Variants in ROBO2 observed in about 807,000 individuals in gnomAD.
The protein encoded by ROBO2 is roundabout homolog 2.
ROBO2 carries 53 observed loss-of-function variants against 160.8 expected under a neutral mutation model. The observed-to-expected ratio is 0.33, with a 90% CI of 0.26 to 0.41. ROBO2 has a LOEUF of 0.41. Ranked by LOEUF, ROBO2 falls within the 10% of genes least tolerant of loss-of-function variation. The pLI, the probability that ROBO2 is intolerant of heterozygous loss-of-function variation, is 1.00. For synonymous variants in ROBO2, 664 were observed against 611.7 expected, an observed-to-expected ratio of 1.09 and a Z score of -1.26; for missense variants, 1,577 against 1,722.4, an observed-to-expected ratio of 0.92 and a Z score of 1.49.
chr3:76,753,609 G>A (rs1363596052), intron 2 of ROBO2, among the ~76,000 whole-genome samples: 1 of 151,856 alleles, frequency 6.6e-6, no homozygotes, highest in African/African-American at 2.4e-5. Context: ...TGAGATTTAA[G>A]TATTTGATAC....
At chr3:76,957,729 G>A (rs1216957031) in intron 2 of ROBO2, among the ~76,000 whole-genome samples, 4 of 151,846 alleles carry the variant, frequency 2.6e-5, no homozygotes, top group Non-Finnish European at 1.5e-5. Flanking sequence ...TACTCAGGAG[G>A]CTGAGGCAGG....
chr3:76,312,447 A>C (rs945328941), intron 2 of ROBO2, among the ~76,000 whole-genome samples: 15 of 152,198 alleles, frequency 9.9e-5, no homozygotes, highest in African/African-American at 3.6e-4. Context: ...CTTTTGTTGC[A>C]TTAAATATAT....
intron 2 of ROBO2, among the ~76,000 whole-genome samples, chr3:76,361,148 A>G (rs191705729): frequency 3.7e-4 from 57 of 152,188 alleles, no homozygotes; most frequent in African/African-American, 1.3e-3. Flanking sequence ...AAGGAAACTC[A>G]AAGTAAAAAT....
chr3:75,950,946 C>G (rs1576273838), intron 2 of ROBO2, among the ~76,000 whole-genome samples: 1 of 152,178 alleles, frequency 6.6e-6, no homozygotes, highest in African/African-American at 2.4e-5. Flanking sequence ...AATGATTTTA[C>G]TAGTTTTTAT....
chr3:77,009,803 G>T (rs1035628583), intron 2 of ROBO2, among the ~76,000 whole-genome samples: 26 of 151,824 alleles, frequency 1.7e-4, no homozygotes, highest in Admixed American at 1.3e-4. Context: ...AAAATTAGCT[G>T]GGTGTGGTGG....
chr3:76,554,196 G>A (rs890860822), intron 2 of ROBO2, among the ~76,000 whole-genome samples: 4 of 152,164 alleles, frequency 2.6e-5, no homozygotes, highest in Admixed American at 6.5e-5. Context: ...TGGACATAAT[G>A]TGGAGAGATA....
At chr3:77,291,572 A>T (rs1317509770) in intron 2 of ROBO2, among the ~76,000 whole-genome samples, 4 of 151,694 alleles carry the variant, frequency 2.6e-5, no homozygotes, top group Non-Finnish European at 4.4e-5. Context: ...ATTGATGGTT[A>T]AACGGGAAGG....
At chr3:76,224,598 TA>T (rs1337905295) in intron 2 of ROBO2, among the ~76,000 whole-genome samples, 3 of 152,182 alleles carry the variant, frequency 2.0e-5, no homozygotes, top group African/African-American at 7.2e-5. Context: ...CATGCAGATA[TA>T]ATGTTTTACC....
chr3:76,508,114 C>A (rs1011381251), intron 2 of ROBO2, among the ~76,000 whole-genome samples: 3 of 152,086 alleles, frequency 2.0e-5, no homozygotes, highest in Admixed American at 6.6e-5. Flanking sequence ...GTGTGACTTT[C>A]CATTCATCAA....
chr3:76,252,988 C>T (rs1242793929), intron 2 of ROBO2, among the ~76,000 whole-genome samples: 1 of 151,934 alleles, frequency 6.6e-6, no homozygotes, highest in Admixed American at 6.6e-5. Context: ...ACTGATTTGA[C>T]AAGGCCCCCC....
intron 2 of ROBO2, among the ~76,000 whole-genome samples, chr3:76,834,446 C>G (rs962559001): frequency 6.6e-6 from 1 of 151,976 alleles, no homozygotes; most frequent in Non-Finnish European, 1.5e-5. Context: ...ATCACTGGCT[C>G]ACTGCAACCT....
At chr3:77,382,539 A>G (rs903409486) in intron 2 of ROBO2, among the ~76,000 whole-genome samples, 7 of 151,994 alleles carry the variant, frequency 4.6e-5, no homozygotes, top group African/African-American at 1.7e-4. Context: ...TGAACCCAGT[A>G]TGTAGTTTTT....
chr3:76,425,744 C>T (rs1017502053), intron 2 of ROBO2, among the ~76,000 whole-genome samples: 7 of 151,878 alleles, frequency 4.6e-5, no homozygotes, highest in Admixed American at 1.3e-4. Context: ...AGCTCGGTGC[C>T]TATAACCCCC....
intron 2 of ROBO2, among the ~76,000 whole-genome samples, chr3:75,971,684 T>G (rs1340310531): frequency 6.6e-6 from 1 of 151,538 alleles, no homozygotes; most frequent in African/African-American, 2.4e-5. Context: ...TTGAAAAAAT[T>G]TTTCAAGTTT....
intron 5 of ROBO2, among the ~76,000 whole-genome samples, chr3:77,513,160 T>C (rs2089611863): frequency 6.6e-6 from 1 of 151,830 alleles, no homozygotes; most frequent in Admixed American, 6.6e-5. Context: ...AAAATTCCAG[T>C]TGGTAATAAA....
chr3:76,433,811 G>A (rs182230206), intron 2 of ROBO2, among the ~76,000 whole-genome samples: 2 of 152,218 alleles, frequency 1.3e-5, no homozygotes, highest in East Asian at 3.9e-4. Context: ...ACCATTTTAA[G>A]GTTTTAGAAA....
intron 2 of ROBO2, among the ~76,000 whole-genome samples, chr3:76,932,852 C>T (rs879660687): frequency 5.3e-5 from 8 of 152,090 alleles, no homozygotes; most frequent in Non-Finnish European, 7.3e-5. Context: ...TATCTACTCT[C>T]AGGTGTTCAT....
At chr3:77,421,564 A>C (rs2077715918) in intron 2 of ROBO2, among the ~76,000 whole-genome samples, 2 of 152,166 alleles carry the variant, frequency 1.3e-5, no homozygotes, top group Non-Finnish European at 2.9e-5. Context: ...ACTTTTGTTG[A>C]ATAATTTCAG....
intron 2 of ROBO2, among the ~76,000 whole-genome samples, chr3:76,933,370 T>C (rs2149066887): frequency 6.6e-6 from 1 of 152,348 alleles, no homozygotes; most frequent in South Asian, 2.1e-4. Flanking sequence ...AGAACTTGCT[T>C]ATTTGTCTTT....
Sources: gnomAD v4.1 joint callset for allele counts (sites outside exome capture counted in the v4.1 genomes callset) on GRCh38, gnomAD v4.1.1 for gene constraint, MANE v1.5 for transcripts, NCBI Gene and HGNC (gene_info 2026-07-23, HGNC 2026-07-21) for gene names.